E2F7: variants seen among roughly 807,000 people sequenced by gnomAD.
E2F7 encodes transcription factor E2F7.
Under a neutral mutation model 81.1 loss-of-function variants are expected in E2F7, and 35 were observed. The ratio of observed to expected loss-of-function variants is 0.43; its 90% CI spans 0.33 to 0.57. E2F7 has a LOEUF of 0.57. E2F7 is among the 20% of genes least tolerant of loss of function. E2F7 has a pLI of 0.04. For synonymous variants in E2F7, 416 were observed against 416.2 expected, an observed-to-expected ratio of 1.00 and a Z score of 0.01; for missense variants, 961 against 1,093.7, an observed-to-expected ratio of 0.88 and a Z score of 1.71.
intron 3 of E2F7, among the ~76,000 whole-genome samples, chr12:77,051,816 T>C (rs1290731161): frequency 2.0e-5 from 3 of 152,130 alleles, no homozygotes; most frequent in Non-Finnish European, 4.4e-5. Flanking sequence ...CTCTAGTCAA[T>C]GCATGAGGAC....
chr12:77,036,771 T>G (rs1238678119), intron 7 of E2F7, among the ~76,000 whole-genome samples: 2 of 150,360 alleles, frequency 1.3e-5, no homozygotes, highest in Non-Finnish European at 3.0e-5. Context: ...AGACAGAGTC[T>G]CGCTCTGTCG....
chr12:77,030,687 C>T (rs967913578), intron 9 of E2F7, among the ~76,000 whole-genome samples: 1 of 152,142 alleles, frequency 6.6e-6, no homozygotes, highest in African/African-American at 2.4e-5. Flanking sequence ...AATAGTATAA[C>T]AATTTTATGC....
At position 77,043,187 on chromosome 12, in the gene E2F7, C is replaced by T; in HGVS notation, c.1001G>A (p.Arg334His). Residue 334 changes from arginine (R) to histidine (H), a missense_variant, in exon 7 of 13, where the codon CGC becomes CAC. Coordinates refer to ENST00000322886, the MANE Select transcript of E2F7 (RefSeq NM_203394.3). ...CAGAACATTGGCTATGTCATAGAGG[C>T]GTCGTACCTTTGCTTGAAGATATAA... is the stretch of plus-strand genomic sequence containing the variant. ...DHSKFKTKVR[R>H]LYDIANVLTS... 7 of 1,614,058 alleles carry T rather than the reference C, an allele frequency of 4.3e-6. No homozygotes were observed. The highest frequency in any genetic ancestry group is 5.9e-6 in the Non-Finnish European group (7 of 1,179,996).
rs1267248306 is a variant in E2F7 at position 77,023,004 on chromosome 12, A to G, written c.*1011T>C. 6.6e-6 allele frequency: 1 copy of G among 152,176 alleles called. No individual in the cohort carries two copies. The highest frequency in any genetic ancestry group is 2.4e-5 in the African/African-American group (1 of 41,432). 9.4% of individuals were successfully genotyped at this position (152,176 alleles called of 1,614,324 possible). ...AAGAATCATCTCTTGCCCTGTATCA[A>G]TTTTCACATCATTACTCTTCAGAAT... On this transcript the variant is annotated 3_prime_UTR_variant, in exon 13 of 13. Transcript: ENST00000322886.
At chr12:77,034,894 T>G (rs1214452011) in intron 7 of E2F7, among the ~76,000 whole-genome samples, 2 of 152,232 alleles carry the variant, frequency 1.3e-5, no homozygotes, top group Non-Finnish European at 2.9e-5. Context: ...AAAGTCACCT[T>G]CACAGTTTTC....
intron 7 of E2F7, among the ~76,000 whole-genome samples, chr12:77,039,953 T>C (rs185693871): frequency 3.9e-5 from 6 of 152,312 alleles, no homozygotes; most frequent in East Asian, 1.9e-4. Flanking sequence ...AAAATAATTA[T>C]GCTGAGTGAA....
rs1954825790 is a variant in E2F7 at position 77,033,847 on chromosome 12, G to A, written c.1309+10C>T. ...CTGATGGACTCCATAGATTATGCAA[G>A]GGCAGATACCTTGTTCTTCTCTGTA... On this transcript the variant is annotated intron_variant, in intron 8 of 12. Transcript: ENST00000322886. 6.3e-7 allele frequency: 1 copy of A among 1,586,396 alleles called. No individual in the cohort carries two copies.
chr12:77,035,745 A>G (rs912441027), intron 7 of E2F7, among the ~76,000 whole-genome samples: 4 of 152,202 alleles, frequency 2.6e-5, no homozygotes, highest in African/African-American at 9.7e-5. Context: ...ATTGAAATGG[A>G]CCCAGAAGTG....
chr12:77,064,677 G>C (rs1476245820), intron 1 of E2F7, 42 bp from the exon 2 acceptor site: 1 of 1,567,046 alleles, frequency 6.4e-7, no homozygotes. Context: ...TTGCAATTAG[G>C]TATTTTTTCC....
Position 77,022,334 on chromosome 12 carries a change from G to GA in E2F7, c.*1680dup, listed in dbSNP as rs551402124. Reference sequence around the variant, plus strand: ...TAACTCTATAGAAGACTGTAAAAAAGAAAAAAAAAACTTGTAAACTTTAAA... The same window carrying GA: ...TAACTCTATAGAAGACTGTAAAAAAGAAAAAAAAAAACTTGTAAACTTTAAA... On this transcript the variant is annotated 3_prime_UTR_variant, in exon 13 of 13. Transcript: ENST00000322886. 4.6e-3 allele frequency: 675 copies of GA among 146,250 alleles called. 6 individuals carry two copies. Among genetic ancestry groups the GA allele is most frequent in the African/African-American group, 8.3e-3 (330 of 39,902 alleles). 9.1% of individuals were successfully genotyped at this position (146,250 alleles called of 1,614,324 possible).
chr12:77,054,655 T>C (rs1282563727), intron 3 of E2F7, among the ~76,000 whole-genome samples: 1 of 152,156 alleles, frequency 6.6e-6, no homozygotes, highest in East Asian at 1.9e-4. Context: ...TTAATTGTTT[T>C]AGGGGCGTGT....
intron 7 of E2F7, among the ~76,000 whole-genome samples, chr12:77,037,701 A>G (rs1954863283): frequency 6.6e-6 from 1 of 152,222 alleles, no homozygotes; most frequent in Admixed American, 6.5e-5. Flanking sequence ...ATGGAAGCAT[A>G]AGAAATACTT....
intron 7 of E2F7, among the ~76,000 whole-genome samples, chr12:77,034,948 G>T (rs550209312): frequency 6.6e-6 from 1 of 152,224 alleles, no homozygotes; most frequent in East Asian, 1.9e-4. Flanking sequence ...CAGAAATTAC[G>T]AAATCAAAAA....
rs1954773021 is a variant in E2F7, at chr12:77,027,973, T to C, written c.2050A>G (p.Arg684Gly). ...LVSSEWGNPS[R>G]NTDVEKPSKE... ...GAAGGCTTTTCAACATCTGTATTTC[T>C]TGAAGGATTTCCCCACTCAGAAGAA... is the stretch of plus-strand genomic sequence containing the variant. Residue 684 changes from arginine (R) to glycine (G), a missense_variant, in exon 11 of 13, where the codon AGA becomes GGA. Physicochemically the swap from Arg to Gly is moderately radical, Grantham distance 125 (BLOSUM62 -2). Transcript: ENST00000322886. 1.2e-6 allele frequency: 2 copies of C among 1,614,230 alleles called. No homozygotes were observed. The highest frequency in any genetic ancestry group is 1.7e-6 in the Non-Finnish European group (2 of 1,180,038).
chr12:77,061,819 A>AT (rs935370172), intron 2 of E2F7, among the ~76,000 whole-genome samples: 1 of 152,192 alleles, frequency 6.6e-6, no homozygotes, highest in Admixed American at 6.5e-5. Context: ...TTTCTTGAAC[A>AT]TTTTTTTGAA....
At position 77,046,294 on chromosome 12, in the gene E2F7, A is replaced by G; in HGVS notation, c.573T>C (p.Asn191=). ...TGACCAGATGCAGCGACTCCAGCAC[A>G]TTTACAATGTCATAGATGCGTCTCC... is the stretch of plus-strand genomic sequence containing the variant. ...VERRRIYDIV[N]VLESLHLVSR... The change falls in exon 5 of 13, where the codon AAT becomes AAC. Residue 191 remains asparagine (N), a synonymous_variant. Coordinates refer to ENST00000322886, the MANE Select transcript of E2F7 (RefSeq NM_203394.3). 1 of 1,614,104 alleles carries G rather than the reference A, an allele frequency of 6.2e-7. No homozygotes were observed. The highest frequency in any genetic ancestry group is 8.5e-7 in the Non-Finnish European group (1 of 1,179,986).
chr12:77,034,488 A>C (rs1391475016), intron 7 of E2F7, among the ~76,000 whole-genome samples: 3 of 152,164 alleles, frequency 2.0e-5, no homozygotes, highest in African/African-American at 7.2e-5. Flanking sequence ...TGAATAGGAG[A>C]ATCTCTATTT....
Position 77,045,909 on chromosome 12 carries a change from G to A in E2F7, c.829+129C>T, listed in dbSNP as rs1208143933. ...AGCCATCTGCTTCTCTTTCTTCAGT[G>A]AGGAGAATAAGAGAACATCTCCCTC... On this transcript the variant is annotated intron_variant, in intron 5 of 12. Coordinates refer to ENST00000322886, the MANE Select transcript of E2F7 (RefSeq NM_203394.3). The A allele has an allele frequency of 2.5e-6, 3 of 1,184,624 alleles. No individual in the cohort carries two copies. The East Asian group carries it at 7.4e-5, about 29-fold the overall frequency. 73.4% of individuals were successfully genotyped at this position (1,184,624 alleles called of 1,614,324 possible). A position where few individuals can be genotyped will look rare whatever the true frequency, so the allele number is the denominator to read the frequency against.
At chr12:77,035,788 A>G (rs979851198) in intron 7 of E2F7, among the ~76,000 whole-genome samples, 3 of 152,200 alleles carry the variant, frequency 2.0e-5, no homozygotes, top group Non-Finnish European at 2.9e-5. Context: ...CCAGCACACT[A>G]AAACATATAC....
Sources: allele counts gnomAD v4.1 joint callset (sites outside exome capture counted in the v4.1 genomes callset), GRCh38; gene constraint gnomAD v4.1.1; transcripts MANE v1.5; gene names NCBI Gene and HGNC (gene_info 2026-07-23, HGNC 2026-07-21).